FBN3: variants seen among roughly 807,000 people sequenced by gnomAD.
FBN3 encodes the protein fibrillin 3.
A neutral mutation model predicts 330.1 loss-of-function variants in FBN3; 234 were observed. The ratio of observed to expected loss-of-function variants is 0.71; its 90% CI spans 0.64 to 0.79. FBN3 has a LOEUF of 0.79. Among genes scored for constraint, FBN3 ranks in the 30% least tolerant of loss-of-function variants. The pLI is 0.00. For synonymous variants in FBN3, 1,458 were observed against 1,517.3 expected (o/e 0.96, Z 0.91); for missense variants, 3,606 against 3,886.9 (o/e 0.93, Z 1.92).
Position 8,102,846 on chromosome 19 carries a change from T to C in FBN3, c.4967A>G (p.His1656Arg), listed in dbSNP as rs754925211. The part of the protein sequence containing the change: ...MDMRKSVCFR[H>R]YNGTCQNELA... ...CTCATTTTGACATGTGCCGTTATAGTGCCGGAAGCAGACACTCTTCCTCAT... is the reference window on the plus strand; with the variant it reads ...CTCATTTTGACATGTGCCGTTATAGCGCCGGAAGCAGACACTCTTCCTCAT... Residue 1656 changes from histidine to arginine, a missense_variant, in exon 40 of 64, where the codon CAC becomes CGC. His to Arg is a conservative substitution (Grantham distance 29, BLOSUM62 0). Coordinates refer to ENST00000600128, the MANE Select transcript of FBN3 (RefSeq NM_032447.5). 24 of 1,613,904 alleles carry C rather than the reference T, an allele frequency of 1.5e-5. No homozygotes were observed. Among genetic ancestry groups the C allele is most frequent in the Admixed American group, 3.3e-5 (2 of 59,982 alleles).
At chr19:8,133,187 AC>A in intron 13 of FBN3, 81 bp from the exon 14 acceptor site, 4 of 1,456,152 alleles carry the variant, frequency 2.7e-6, no homozygotes, top group Admixed American at 2.2e-5. Flanking sequence ...TCCAGGGCTG[AC>A]CCCCCAGGAT....
At chr19:8,090,901 C>G (rs1252646694) in intron 48 of FBN3, among the ~76,000 whole-genome samples, 1 of 152,158 alleles carries the variant, frequency 6.6e-6, no homozygotes, top group African/African-American at 2.4e-5. Flanking sequence ...AAACCCCTTC[C>G]TGGAGAGGCA....
chr19:8,122,460 G>A (rs368588366), intron 24 of FBN3, among the ~76,000 whole-genome samples: 2 of 152,032 alleles, frequency 1.3e-5, no homozygotes, highest in Non-Finnish European at 2.9e-5. Flanking sequence ...TCCGCCTCCC[G>A]GGTTCAAGTG....
chr19:8,123,911 G>T lies in FBN3; in HGVS notation c.2829C>A (p.Ile943=), dbSNP rs752092000. ...KYRMDVCCCS[I]GAVWGVECEA... is the part of the protein sequence containing the mutation. ...CGCACTCGACTCCCCACACGGCCCC[G>T]ATGGAGCAGCAGCAGACGTCCATCC... Residue 943 remains isoleucine, a synonymous_variant, in exon 23 of 64, where the codon ATC becomes ATA. Transcript: ENST00000600128. The T allele has an allele frequency of 4.3e-6, 7 of 1,613,950 alleles. No homozygotes were observed. The highest frequency in any genetic ancestry group is 5.1e-6 in the Non-Finnish European group (6 of 1,180,036).
At position 8,089,946 on chromosome 19, in the gene FBN3, C is replaced by G; in HGVS notation, c.6198G>C (p.Glu2066Asp). The change falls in exon 50 of 64, where the codon GAG becomes GAC. Residue 2066 changes from glutamate (E) to aspartate (D), a missense_variant. Transcript: ENST00000600128. ...CTGCCCCGTGGCCAAAGGGGCAGAG[C>G]TCCTGAAAGGCAGCTGGACGGAGAG... is the stretch of plus-strand genomic sequence containing the variant. Reference protein sequence around the residue: ...CPQEGSAAFQELCPFGHGAVP... With the variant: ...CPQEGSAAFQDLCPFGHGAVP... 6.2e-7 allele frequency: 1 copy of G among 1,610,506 alleles called. No homozygotes were observed. The highest frequency in any genetic ancestry group is 8.5e-7 in the Non-Finnish European group (1 of 1,178,892).
intron 24 of FBN3, 109 bp downstream of exon 24, chr19:8,123,355 G>GAAAA: frequency 3.0e-6 from 3 of 1,015,110 alleles, no homozygotes; most frequent in South Asian, 1.9e-5. Flanking sequence ...ACTCCGTCTC[G>GAAAA]AAAAAAAAAA....
intron 18 of FBN3, among the ~76,000 whole-genome samples, chr19:8,128,589 T>C (rs2083049811): frequency 6.6e-6 from 1 of 151,604 alleles, no homozygotes. Context: ...AATACGTGTG[T>C]ATGTAAATGT....
chr19:8,070,598 G>A (rs2081489862), intron 63 of FBN3, among the ~76,000 whole-genome samples: 1 of 152,200 alleles, frequency 6.6e-6, no homozygotes, highest in Non-Finnish European at 1.5e-5. Context: ...TGGATGCCAA[G>A]GCTGCTTGTA....
chr19:8,107,062 G>A (rs1599357002), intron 37 of FBN3, among the ~76,000 whole-genome samples: 1 of 151,268 alleles, frequency 6.6e-6, no homozygotes, highest in Admixed American at 6.6e-5. Flanking sequence ...ATAGCAGAGG[G>A]ATGAGTGATG....
chr19:8,132,895 C>G, intron 14 of FBN3, 89 bp downstream of exon 14: 1 of 1,411,668 alleles, frequency 7.1e-7, no homozygotes. Flanking sequence ...TCGTCCCATC[C>G]CCGTCCGGTC....
chr19:8,128,198 G>T (rs2083040077), intron 18 of FBN3, among the ~76,000 whole-genome samples: 2 of 152,172 alleles, frequency 1.3e-5, no homozygotes, highest in African/African-American at 4.8e-5. Flanking sequence ...CTTCTGGGAT[G>T]TGTGTATAAC....
rs771251963 is a variant in FBN3, at chr19:8,119,042, G to A, written c.3212-20C>T. 3.2e-6 allele frequency: 5 copies of A among 1,585,402 alleles called. No individual in the cohort carries two copies. The highest frequency in any genetic ancestry group is 4.3e-6 in the Non-Finnish European group (5 of 1,158,596). On this transcript the variant is annotated intron_variant, in intron 25 of 63. Coordinates refer to ENST00000600128, the MANE Select transcript of FBN3 (RefSeq NM_032447.5). Reference sequence around the variant, plus strand: ...CCACGTCTGAAGGTTTGTGTGGAAAGAGAGAGCAGGCATGAAGGTGCTGAT... The same window carrying A: ...CCACGTCTGAAGGTTTGTGTGGAAAAAGAGAGCAGGCATGAAGGTGCTGAT...
intron 13 of FBN3, 25 bp downstream of exon 13, chr19:8,135,936 G>GGGGGGGGGGGGGGGGGGCGGCCCCCCC: frequency 1.5e-6 from 1 of 668,776 alleles, no homozygotes; most frequent in Non-Finnish European, 2.4e-6. Flanking sequence ...GGAAGCCCCT[G>GGGGGGGGGGGGGGGGGGCGGCCCCCCC]CCCACCCGCC....
chr19:8,118,130 C>T (rs1023899195), intron 26 of FBN3, among the ~76,000 whole-genome samples: 1 of 151,980 alleles, frequency 6.6e-6, no homozygotes, highest in Non-Finnish European at 1.5e-5. Context: ...CTTGTGCAAA[C>T]ACATGTCCAC....
At chr19:8,145,123 G>T in intron 5 of FBN3, 151 bp from the exon 6 acceptor site, 1 of 697,820 alleles carries the variant, frequency 1.4e-6, no homozygotes, top group Non-Finnish European at 2.4e-6. Context: ...CCTGTAATCC[G>T]AGCGCTTTGG....
At chr19:8,132,591 A>G (rs1001920714) in intron 14 of FBN3, among the ~76,000 whole-genome samples, 5 of 151,990 alleles carry the variant, frequency 3.3e-5, no homozygotes, top group Non-Finnish European at 7.4e-5. Context: ...TCCCAGGATC[A>G]AGTAATTCTC....
intron 59 of FBN3, among the ~76,000 whole-genome samples, chr19:8,075,844 T>C (rs1367451575): frequency 3.3e-5 from 5 of 152,024 alleles, no homozygotes; most frequent in Non-Finnish European, 7.4e-5. Flanking sequence ...TGACATAGGG[T>C]TGCCTGTTGA....
Position 8,131,946 on chromosome 19 carries a change from C to T in FBN3, c.1715-117G>A, listed in dbSNP as rs1224243902. The T allele has an allele frequency of 2.4e-6, 3 of 1,229,196 alleles. No individual in the cohort carries two copies. Among genetic ancestry groups the T allele is most frequent in the African/African-American group, 1.6e-5 (1 of 64,358 alleles). The allele number at this position is 1,229,196 out of a possible 1,614,324, so 76.1% of individuals were successfully genotyped here. On this transcript the variant is annotated intron_variant, in intron 14 of 63. Transcript: ENST00000600128. This position sits in a 1 kb window ranked among gnomAD's most constrained non-coding sequence, Gnocchi z 4.5. ...ATTCTATTTCTTTCCTTTCCAGTTTCTTGTCTTTCCAGTTTCCTGTTGTCT... is the reference window on the plus strand; with the variant it reads ...ATTCTATTTCTTTCCTTTCCAGTTTTTTGTCTTTCCAGTTTCCTGTTGTCT...
At chr19:8,127,053 T>TG (rs960348277) in intron 18 of FBN3, among the ~76,000 whole-genome samples, 3 of 109,636 alleles carry the variant, frequency 2.7e-5, no homozygotes, top group East Asian at 5.6e-4. Context: ...AAACTGTTTT[T>TG]TTTTTGTTTT....
Sources: allele counts gnomAD v4.1 joint callset (sites outside exome capture counted in the v4.1 genomes callset), GRCh38; gene constraint gnomAD v4.1.1; non-coding constraint Gnocchi (gnomAD v3.1); transcripts MANE v1.5; gene names NCBI Gene and HGNC (gene_info 2026-07-23, HGNC 2026-07-21).